The following LRP1B variants were observed in gnomAD, a reference collection of about 807,000 sequenced individuals.
LRP1B encodes low-density lipoprotein receptor-related protein 1B.
Under a neutral mutation model 556.6 loss-of-function variants are expected in LRP1B, and 217 were observed. That is an observed-to-expected ratio of 0.39 (90% CI 0.35 to 0.44). The LOEUF is 0.44. Among genes scored for constraint, LRP1B ranks in the 20% least tolerant of loss-of-function variants. The pLI is 1.00. For missense variants in LRP1B, 5,053 were observed against 5,620.8 expected, an observed-to-expected ratio of 0.90 and a Z score of 3.23; for synonymous variants, 2,047 against 1,865.8, an observed-to-expected ratio of 1.10 and a Z score of -2.50.
intron 3 of LRP1B, among the ~76,000 whole-genome samples, chr2:141,433,939 G>C (rs1308676493): frequency 6.7e-6 from 1 of 148,634 alleles, no homozygotes; most frequent in Non-Finnish European, 1.5e-5. Context: ...ACTATCTAAT[G>C]GTCTCTATTC....
chr2:141,079,386 G>T (rs1183789018), intron 7 of LRP1B, among the ~76,000 whole-genome samples: 2 of 152,156 alleles, frequency 1.3e-5, no homozygotes, highest in Non-Finnish European at 2.9e-5. Flanking sequence ...CTAATGTGCT[G>T]AGAGACTGTG....
chr2:140,463,279 G>A (rs898402341), intron 60 of LRP1B, among the ~76,000 whole-genome samples: 61 of 152,166 alleles, frequency 4.0e-4, no homozygotes, highest in Non-Finnish European at 3.2e-4. Context: ...AAGGATCGTG[G>A]AGCCAGAGCT....
At chr2:141,523,817 G>A (rs981150543) in intron 2 of LRP1B, among the ~76,000 whole-genome samples, 12 of 152,080 alleles carry the variant, frequency 7.9e-5, no homozygotes, top group Admixed American at 2.6e-4. Flanking sequence ...CATCATAGCC[G>A]AGTAAGGTCC....
intron 2 of LRP1B, among the ~76,000 whole-genome samples, chr2:141,804,633 C>T (rs538304063): frequency 6.6e-6 from 1 of 151,918 alleles, no homozygotes; most frequent in African/African-American, 2.4e-5. Flanking sequence ...AGAGGATCGA[C>T]CGAGAGGGGG....
chr2:141,979,655 T>A (rs1701987992), intron 1 of LRP1B, among the ~76,000 whole-genome samples: 1 of 152,236 alleles, frequency 6.6e-6, no homozygotes, highest in Non-Finnish European at 1.5e-5. Context: ...TGTTCCCCTT[T>A]AAAATACATA....
At chr2:140,850,407 A>T in intron 28 of LRP1B, 78 bp from the exon 29 acceptor site, 1 of 690,290 alleles carries the variant, frequency 1.4e-6, no homozygotes, top group Non-Finnish European at 2.4e-6. Context: ...ATATTACTTG[A>T]TTTAATACAT....
At chr2:141,395,452 A>G (rs10199741) in intron 3 of LRP1B, among the ~76,000 whole-genome samples, 4,493 of 152,256 alleles carry the variant, frequency 0.03, 220 homozygotes, top group African/African-American at 0.1. Context: ...GTTATACCAG[A>G]CAGATATACC....
At chr2:142,021,962 T>A (rs1235262926) in intron 1 of LRP1B, among the ~76,000 whole-genome samples, 1 of 152,168 alleles carries the variant, frequency 6.6e-6, no homozygotes, top group African/African-American at 2.4e-5. Context: ...TAAAGCCATT[T>A]CAAGGCTAAA....
intron 2 of LRP1B, among the ~76,000 whole-genome samples, chr2:141,572,546 G>A (rs1686568452): frequency 6.6e-6 from 1 of 151,978 alleles, no homozygotes; most frequent in Admixed American, 6.6e-5. Context: ...CAACCAAATA[G>A]CAGCATAATG....
chr2:140,927,926 T>G (rs1694936305), intron 20 of LRP1B, among the ~76,000 whole-genome samples: 1 of 151,862 alleles, frequency 6.6e-6, no homozygotes, highest in African/African-American at 2.4e-5. Context: ...TTTGTATTTT[T>G]GTAGAGGCGA....
chr2:141,938,106 T>C (rs943330077), intron 1 of LRP1B, among the ~76,000 whole-genome samples: 1 of 152,086 alleles, frequency 6.6e-6, no homozygotes, highest in Non-Finnish European at 1.5e-5. Context: ...CTTTGCAACA[T>C]AATTTAAAAT....
At chr2:141,798,436 G>A (rs758662382) in intron 2 of LRP1B, among the ~76,000 whole-genome samples, 10 of 152,118 alleles carry the variant, frequency 6.6e-5, no homozygotes, top group African/African-American at 2.2e-4. Context: ...GGTCAGGCAC[G>A]GTGGCTCACG....
intron 5 of LRP1B, among the ~76,000 whole-genome samples, chr2:141,233,870 GTATA>G (rs143475702): frequency 4.0e-5 from 6 of 151,394 alleles, no homozygotes; most frequent in African/African-American, 9.7e-5. Context: ...TATAATAAAT[GTATA>G]TATATATGTA....
At chr2:140,821,767 G>T (rs1047153426) in intron 31 of LRP1B, among the ~76,000 whole-genome samples, 2 of 152,304 alleles carry the variant, frequency 1.3e-5, no homozygotes, top group East Asian at 3.9e-4. Context: ...GGGCGCCATG[G>T]CTCACGCCTA....
intron 1 of LRP1B, among the ~76,000 whole-genome samples, chr2:142,126,982 A>C (rs1326660195): frequency 6.6e-6 from 1 of 151,920 alleles, no homozygotes; most frequent in African/African-American, 2.4e-5. Flanking sequence ...GTATTTCTGC[A>C]TACCTCCACC....
intron 1 of LRP1B, among the ~76,000 whole-genome samples, chr2:141,901,734 A>G (rs995264888): frequency 4.0e-5 from 6 of 151,838 alleles, no homozygotes; most frequent in African/African-American, 1.5e-4. Context: ...GATTAAAATT[A>G]GTATTCATTA....
At chr2:141,358,911 G>A (rs1321010464) in intron 3 of LRP1B, among the ~76,000 whole-genome samples, 1 of 151,884 alleles carries the variant, frequency 6.6e-6, no homozygotes, top group Admixed American at 6.6e-5. Flanking sequence ...TATAAAAACT[G>A]ATAAAAATTA....
intron 14 of LRP1B, among the ~76,000 whole-genome samples, chr2:141,012,284 G>C (rs528588839): frequency 4.2e-4 from 64 of 152,120 alleles, no homozygotes; most frequent in African/African-American, 1.5e-3. Flanking sequence ...CAATTCTAAA[G>C]AGAAGGGAAA....
chr2:141,294,804 T>C (rs1686119895), intron 3 of LRP1B, among the ~76,000 whole-genome samples: 1 of 151,842 alleles, frequency 6.6e-6, no homozygotes, highest in Non-Finnish European at 1.5e-5. Flanking sequence ...TATATTATGC[T>C]ATTTTTCAGA....
Sources: gnomAD v4.1 joint callset for allele counts (sites outside exome capture counted in the v4.1 genomes callset) on GRCh38, gnomAD v4.1.1 for gene constraint, MANE v1.5 for transcripts, NCBI Gene and HGNC (gene_info 2026-07-23, HGNC 2026-07-21) for gene names.